LGALS8: variants seen among roughly 807,000 people sequenced by gnomAD.
The protein encoded by LGALS8 is galectin 8.
A neutral mutation model predicts 35.9 loss-of-function variants in LGALS8; 30 were observed. The observed-to-expected ratio is 0.83, with a 90% confidence interval of 0.62 to 1.13. The LOEUF is 1.13. Among genes scored for constraint, LGALS8 ranks in the 50% most tolerant of loss-of-function variants. The pLI is 0.00. For synonymous variants in LGALS8, 138 were observed against 136.1 expected, an observed-to-expected ratio of 1.01 and a Z score of -0.10; for missense variants, 366 against 388.7, an observed-to-expected ratio of 0.94 and a Z score of 0.49.
intron 2 of LGALS8, among the ~76,000 whole-genome samples, chr1:236,530,772 A>T (rs1215835208): frequency 4.6e-5 from 7 of 152,164 alleles, no homozygotes; most frequent in Admixed American, 4.6e-4. Context: ...TTATGTCCAA[A>T]CCAGTGGCTT....
At chr1:236,534,183 A>G (rs892191440) in intron 2 of LGALS8, among the ~76,000 whole-genome samples, 2 of 152,168 alleles carry the variant, frequency 1.3e-5, no homozygotes, top group African/African-American at 4.8e-5. Context: ...TTCATAAGCT[A>G]GGGGATTTTC....
chr1:236,530,736 T>C (rs1394638536), intron 2 of LGALS8, among the ~76,000 whole-genome samples: 1 of 152,232 alleles, frequency 6.6e-6, no homozygotes, highest in East Asian at 1.9e-4. Flanking sequence ...TGGAAGATAG[T>C]CTGTCTTCAA....
chr1:236,544,967 G>A (rs1662273111), intron 9 of LGALS8, 52 bp downstream of exon 9: 1 of 1,428,956 alleles, frequency 7.0e-7, no homozygotes, highest in African/African-American at 1.4e-5. Context: ...CTGGGAGCAG[G>A]GGTGGGATAA....
upstream of LGALS8, among the ~76,000 whole-genome samples, chr1:236,521,988 T>A (rs1660564359): frequency 6.6e-6 from 1 of 152,190 alleles, no homozygotes; most frequent in Admixed American, 6.5e-5. Flanking sequence ...GTAAGAGATG[T>A]GGGACTCTAT....
rs112871599 is a variant in LGALS8, at chr1:236,538,908, GCA to G, written c.165_166del (p.Met56GlufsTer28). ...CAGGTGGATCTGCAGAATGGCAGCA[GCA>G]TGAAACCTCGAGCCGATGTGGCCTT... is the stretch of plus-strand genomic sequence containing the variant. On this transcript the variant is annotated frameshift_variant, in exon 4 of 10. Transcript: ENST00000366584. LOFTEE classifies it high-confidence loss of function. 1 of 1,613,036 alleles carries G rather than the reference GCA, an allele frequency of 6.2e-7. No homozygotes were observed. Among genetic ancestry groups the G allele is most frequent in the Non-Finnish European group, 8.5e-7 (1 of 1,179,964 alleles).
rs777044571 is a variant in LGALS8 at position 236,550,991 on chromosome 1, C to CA, written c.*2830_*2831insA. On this transcript the variant is annotated 3_prime_UTR_variant, in exon 10 of 10. Transcript: ENST00000366584. ...TGATGTTCTACTTCTTCACATTCAT[C>CA]TAAAAAAAAAAAAAAAAAATCAAAA... 1 of 953,680 alleles carries CA rather than the reference C, an allele frequency of 1.0e-6. No individual in the cohort carries two copies. The highest frequency in any genetic ancestry group is 1.5e-6 in the Non-Finnish European group (1 of 679,780). 59.1% of individuals were successfully genotyped at this position (953,680 alleles called of 1,614,324 possible). A position where few individuals can be genotyped will look rare whatever the true frequency, so the allele number is the denominator to read the frequency against.
At chr1:236,519,318 G>A (rs116325156), upstream of LGALS8, among the ~76,000 whole-genome samples, 1,320 of 151,748 alleles carry the variant, frequency 8.7e-3, 16 homozygotes, top group African/African-American at 0.031. Flanking sequence ...TTGAGCCCAG[G>A]AGGTCACTGC....
Position 236,528,365 on chromosome 1 carries a change from G to A in LGALS8, c.45+2250G>A, listed in dbSNP as rs193217899. ...CCACTGCACTCCAGCCTGGGTGACA[G>A]AGCGAGACTCCATCTCAAAAAAAAA... On this transcript the variant is annotated intron_variant, in intron 2 of 9. Transcript: ENST00000366584. Among the ~76,000 whole-genome samples, 134 of 132,752 alleles carry A rather than the reference G, an allele frequency of 1.0e-3. 1 individual carries two copies. The Middle Eastern group carries it at 0.011, about 11-fold the overall frequency. The allele number at this position is 132,752 out of a possible 152,430, so 87.1% of individuals were successfully genotyped here.
intron 4 of LGALS8, 158 bp from the exon 5 acceptor site, chr1:236,540,406 T>G: frequency 4.4e-6 from 3 of 684,910 alleles, no homozygotes; most frequent in Middle Eastern, 4.7e-4. Flanking sequence ...TGCTAGTGTT[T>G]TGGGTGCTTT....
chr1:236,536,084 T>G (rs1661480246), intron 2 of LGALS8: 2 of 152,222 alleles, frequency 1.3e-5, no homozygotes, highest in South Asian at 4.1e-4. Context: ...AGGGGCTGAC[T>G]CAGCAGCCCA....
chr1:236,542,086 A>G (rs962513091), intron 6 of LGALS8, among the ~76,000 whole-genome samples: 1 of 152,246 alleles, frequency 6.6e-6, no homozygotes, highest in Non-Finnish European at 1.5e-5. Context: ...TTATTAATGG[A>G]GAAAGTGAGG....
chr1:236,543,167 C>T (rs2244261), intron 7 of LGALS8: 535,051 of 845,770 alleles, frequency 0.63, 172,559 homozygotes, highest in Non-Finnish European at 0.68. Context: ...CGTCCCTGGA[C>T]GGATTCGAGA....
rs777293157 is a variant in LGALS8 at position 236,544,829 on chromosome 1, G to T, written c.718G>T (p.Val240Leu). 4.3e-6 allele frequency: 7 copies of T among 1,613,270 alleles called. No homozygotes were observed. Among genetic ancestry groups the T allele is most frequent in the Non-Finnish European group, 5.1e-6 (6 of 1,179,396 alleles). The change falls in exon 9 of 10, where the codon GTA becomes TTA. Residue 240 changes from valine to leucine, a missense_variant. Coordinates refer to ENST00000366584, the MANE Select transcript of LGALS8 (RefSeq NM_201544.4). ...CCCACGCCTGAATATTAAAGCATTTGTAAGAAATTCTTTTCTTCAGGAGTC... is the reference window on the plus strand; with the variant it reads ...CCCACGCCTGAATATTAAAGCATTTTTAAGAAATTCTTTTCTTCAGGAGTC... ...LNPRLNIKAF[V>L]RNSFLQESWG... is the part of the protein sequence containing the mutation.
chr1:236,541,691 C>CA lies in LGALS8; in HGVS notation c.504dup (p.Glu169ArgfsTer4). On this transcript the variant is annotated frameshift_variant, in exon 6 of 10. Transcript: ENST00000366584. LOFTEE classifies it high-confidence loss of function. ...ACCCAAGCATCTAGTCTGGAACTGA[C>CA]AGAGATAAGTAGAGAAAATGTAAAT... 3 of 1,521,110 alleles carry CA rather than the reference C, an allele frequency of 2.0e-6. No individual in the cohort carries two copies. Among genetic ancestry groups the CA allele is most frequent in the Non-Finnish European group, 2.7e-6 (3 of 1,118,344 alleles). The allele number at this position is 1,521,110 out of a possible 1,614,324, so 94.2% of individuals were successfully genotyped here.
chr1:236,525,231 C>T (rs1660748634), intron 1 of LGALS8, among the ~76,000 whole-genome samples: 4 of 152,102 alleles, frequency 2.6e-5, no homozygotes, highest in African/African-American at 9.7e-5. Context: ...TTTCTATTCA[C>T]AATAATAATA....
chr1:236,526,461 T>C lies in LGALS8; in HGVS notation c.45+346T>C, dbSNP rs1421952451. On this transcript the variant is annotated intron_variant, in intron 2 of 9. Transcript: ENST00000366584. The surrounding 1 kb of genome is among the most constrained non-coding windows in gnomAD (Gnocchi z 4.6). Reference sequence around the variant, plus strand: ...TTCTTACTCTACAAGTTTTTCATTTTCTTTTTTAATTAGAGCTGTCCATGA... The same window carrying C: ...TTCTTACTCTACAAGTTTTTCATTTCCTTTTTTAATTAGAGCTGTCCATGA... 5.4e-6 allele frequency: 1 copy of C among 183,490 alleles called. No homozygotes were observed. The allele number at this position is 183,490 out of a possible 1,614,324, so 11.4% of individuals were successfully genotyped here.
intron 2 of LGALS8, among the ~76,000 whole-genome samples, chr1:236,531,745 CCTGA>C (rs1661162541): frequency 6.6e-6 from 1 of 152,172 alleles, no homozygotes; most frequent in Non-Finnish European, 1.5e-5. Flanking sequence ...ATTGCCCTGG[CCTGA>C]CTGATTCTTC....
chr1:236,540,536 G>GA, intron 4 of LGALS8, 28 bp from the exon 5 acceptor site: 1 of 1,515,154 alleles, frequency 6.6e-7, no homozygotes, highest in Non-Finnish European at 8.8e-7. Context: ...TGGTGGCGGG[G>GA]GGGGCTCTGT....
At chr1:236,544,723 T>C (rs1177898245) in intron 8 of LGALS8, 27 bp from the exon 9 acceptor site, 16 of 150,034 alleles carry the variant, frequency 1.1e-4, no homozygotes, top group Non-Finnish European at 1.6e-4. Flanking sequence ...TTAATTAAGG[T>C]TTTTTTTTTT....
Sources: allele counts gnomAD v4.1 joint callset (sites outside exome capture counted in the v4.1 genomes callset), GRCh38; gene constraint gnomAD v4.1.1; non-coding constraint Gnocchi (gnomAD v3.1); transcripts MANE v1.5; gene names NCBI Gene and HGNC (gene_info 2026-07-23, HGNC 2026-07-21).